The following PRKN variants were observed in gnomAD, a reference collection of about 807,000 sequenced individuals.
The protein encoded by PRKN is E3 ubiquitin-protein ligase parkin.
Under a neutral mutation model 59.5 loss-of-function variants are expected in PRKN, and 56 were observed. That is an observed-to-expected ratio of 0.94 (90% CI 0.76 to 1.18). PRKN has a LOEUF of 1.18. Among genes scored for constraint, PRKN ranks in the 50% most tolerant of loss-of-function variants. The probability of loss-of-function intolerance (pLI) is 0.00; values close to 1 mark genes in which losing one functional copy is unlikely to be tolerated. For missense variants in PRKN, 657 were observed against 596.4 expected (o/e 1.10, Z -1.06); for synonymous variants, 250 against 222.1 (o/e 1.13, Z -1.12).
At chr6:162,585,914 A>G (rs1254508709) in intron 1 of PRKN, among the ~76,000 whole-genome samples, 1 of 152,076 alleles carries the variant, frequency 6.6e-6, no homozygotes, top group Non-Finnish European at 1.5e-5. Context: ...CATGTTAGCC[A>G]GGCTGGTCTT....
At chr6:161,644,674 T>C (rs1298872010) in intron 7 of PRKN, among the ~76,000 whole-genome samples, 1 of 152,098 alleles carries the variant, frequency 6.6e-6, no homozygotes, top group East Asian at 1.9e-4. Context: ...GCCAGGGAAA[T>C]ATAGATAGGG....
At chr6:162,719,836 A>G (rs1476901374) in intron 1 of PRKN, among the ~76,000 whole-genome samples, 1 of 151,926 alleles carries the variant, frequency 6.6e-6, no homozygotes, top group African/African-American at 2.4e-5. Context: ...TGAGAAAATC[A>G]AGGAATGTGG....
chr6:162,568,526 C>T, intron 1 of PRKN: 3 of 726,384 alleles, frequency 4.1e-6, no homozygotes, highest in Non-Finnish European at 7.5e-6. Flanking sequence ...GACTGCTGAG[C>T]CTCCTTAACC....
At chr6:162,298,423 GT>G (rs968260667) in intron 2 of PRKN, among the ~76,000 whole-genome samples, 3 of 151,586 alleles carry the variant, frequency 2.0e-5, no homozygotes, top group Non-Finnish European at 4.4e-5. Flanking sequence ...ATCCTTCTTT[GT>G]TTTTTTTAAA....
At position 162,313,611 on chromosome 6, in the gene PRKN, C is replaced by T. The variant is rs142899247; in HGVS notation, c.172-50846G>A. Among the ~76,000 whole-genome samples, 287 of 152,150 alleles carry T rather than the reference C, an allele frequency of 1.9e-3. 1 individual carries two copies. Among genetic ancestry groups the T allele is most frequent in the African/African-American group, 6.6e-3 (274 of 41,506 alleles). On this transcript the variant is annotated intron_variant, in intron 2 of 11. Coordinates refer to ENST00000366898, the MANE Select transcript of PRKN (RefSeq NM_004562.3). The stretch of plus-strand genomic sequence containing the variant: ...CAAGCAATTCTCCTGTCTCAGCCTC[C>T]CAAGTAGCTGGGATTACAGGCGCGT...
rs144239870 is a variant in PRKN, at chr6:161,683,969, T to C, written c.871+101803A>G. On this transcript the variant is annotated intron_variant, in intron 7 of 11. Transcript: ENST00000366898. ...ATTTCATATCCCTGAATTATCTGCA[T>C]AAAACAAAGGGTAAAAGGGAGAAGG... 2.4e-3 allele frequency among the ~76,000 whole-genome samples: 369 copies of C among 152,260 alleles called. 1 individual carries two copies. The highest frequency in any genetic ancestry group is 8.1e-3 in the African/African-American group (338 of 41,540).
intron 4 of PRKN, among the ~76,000 whole-genome samples, chr6:162,138,068 G>A (rs1042802177): frequency 6.6e-6 from 1 of 152,000 alleles, no homozygotes; most frequent in Non-Finnish European, 1.5e-5. Flanking sequence ...TCGAAGTTTA[G>A]GGAGGTTAAG....
intron 1 of PRKN, among the ~76,000 whole-genome samples, chr6:162,608,014 T>C (rs1371894247): frequency 6.6e-6 from 1 of 152,190 alleles, no homozygotes; most frequent in Non-Finnish European, 1.5e-5. Flanking sequence ...CTTGGGCGTC[T>C]TTCTCCAACA....
At position 161,390,297 on chromosome 6, in the gene PRKN, T is replaced by C. The variant is rs979987707; in HGVS notation, c.1084-3420A>G. Among the ~76,000 whole-genome samples, 3 of 152,202 alleles carry C rather than the reference T, an allele frequency of 2.0e-5. No individual in the cohort carries two copies. Among genetic ancestry groups the C allele is most frequent in the Non-Finnish European group, 4.4e-5 (3 of 68,032 alleles). On this transcript the variant is annotated intron_variant, in intron 9 of 11. Coordinates refer to ENST00000366898, the MANE Select transcript of PRKN (RefSeq NM_004562.3). This position sits in a 1 kb window ranked among gnomAD's most constrained non-coding sequence, Gnocchi z 7.0. ...CAGGGGTGCCTGGGATATTCTAGAA[T>C]TTTAAGTAAAACACAGCATGGCTAT...
chr6:162,131,363 T>C (rs1444470603), intron 4 of PRKN, among the ~76,000 whole-genome samples: 3 of 152,214 alleles, frequency 2.0e-5, no homozygotes, highest in Non-Finnish European at 4.4e-5. Context: ...TTTAGTTGTA[T>C]AATGTTCTCT....
intron 1 of PRKN, among the ~76,000 whole-genome samples, chr6:162,466,231 T>C (rs1791406725): frequency 6.6e-6 from 1 of 152,228 alleles, no homozygotes; most frequent in Non-Finnish European, 1.5e-5. Flanking sequence ...ACACTTTCCA[T>C]TGCCTTTCTT....
intron 5 of PRKN, among the ~76,000 whole-genome samples, chr6:161,998,028 A>AAGAACC (rs549972313): frequency 1.3e-5 from 2 of 152,298 alleles, no homozygotes; most frequent in South Asian, 4.1e-4. Flanking sequence ...TGTGGAAATA[A>AAGAACC]AGAACCACAT....
chr6:162,211,620 G>A (rs146329194), intron 3 of PRKN, among the ~76,000 whole-genome samples: 2 of 152,240 alleles, frequency 1.3e-5, no homozygotes, highest in African/African-American at 2.4e-5. Flanking sequence ...AACACGGTGT[G>A]AGCCTCCAAA....
intron 7 of PRKN, among the ~76,000 whole-genome samples, chr6:161,671,052 C>T (rs1469570398): frequency 6.6e-6 from 1 of 151,886 alleles, no homozygotes; most frequent in East Asian, 1.9e-4. Flanking sequence ...GTTTTTTTCC[C>T]TCAAGCACTA....
At chr6:162,629,308 A>G (rs780302479) in intron 1 of PRKN, among the ~76,000 whole-genome samples, 7 of 152,162 alleles carry the variant, frequency 4.6e-5, no homozygotes, top group Non-Finnish European at 1.0e-4. Flanking sequence ...AATAACTAAT[A>G]CATAATGCTT....
At chr6:161,431,713 A>G (rs991806552) in intron 9 of PRKN, among the ~76,000 whole-genome samples, 4 of 151,880 alleles carry the variant, frequency 2.6e-5, no homozygotes, top group African/African-American at 9.7e-5. Flanking sequence ...CCCGGGTTCA[A>G]GAGATTCTCC....
chr6:162,710,374 A>AACACACACACACACAC (rs138911423), intron 1 of PRKN, among the ~76,000 whole-genome samples: 2,637 of 125,228 alleles, frequency 0.021, 111 homozygotes, highest in African/African-American at 0.062. Flanking sequence ...ACCCCCTACA[A>AACACACACACACACAC]ACACACACAC....
At chr6:161,689,185 T>TACAC (rs34193135) in intron 7 of PRKN, among the ~76,000 whole-genome samples, 4,989 of 144,140 alleles carry the variant, frequency 0.035, 102 homozygotes, top group Admixed American at 0.059. Flanking sequence ...AATTAAATTG[T>TACAC]ACACACACAC....
intron 1 of PRKN, among the ~76,000 whole-genome samples, chr6:162,681,632 T>C (rs75434230): frequency 0.015 from 2,353 of 152,260 alleles, 70 homozygotes; most frequent in African/African-American, 0.054. Flanking sequence ...TTCATTTGCA[T>C]AGAAGTGCAA....
Sources: gnomAD v4.1 joint callset for allele counts (sites outside exome capture counted in the v4.1 genomes callset) on GRCh38, gnomAD v4.1.1 for gene constraint, Gnocchi (gnomAD v3.1) non-coding constraint, MANE v1.5 for transcripts, NCBI Gene and HGNC (gene_info 2026-07-23, HGNC 2026-07-21) for gene names.